The following SMOC2 variants were observed in gnomAD, a reference collection of about 807,000 sequenced individuals.
SMOC2 encodes SPARC-related modular calcium-binding protein 2.
Under a neutral mutation model 61.4 loss-of-function variants are expected in SMOC2, and 39 were observed. That is an observed-to-expected ratio of 0.64 (90% CI 0.49 to 0.83). The LOEUF (loss-of-function observed/expected upper bound fraction) is 0.83. Ranked by LOEUF, SMOC2 falls within the 40% of genes least tolerant of loss-of-function variation. The pLI is 0.00. For missense variants in SMOC2, 556 were observed against 592.9 expected (o/e 0.94, Z 0.65); for synonymous variants, 247 against 239.9 (o/e 1.03, Z -0.27).
chr6:168,527,107 G>T (rs1783474068), intron 3 of SMOC2, among the ~76,000 whole-genome samples: 2 of 152,234 alleles, frequency 1.3e-5, no homozygotes, highest in Non-Finnish European at 2.9e-5. Context: ...GGGTGATGAT[G>T]TGAGTTCTGT....
At chr6:168,574,356 G>A (rs1051141633) in intron 7 of SMOC2, among the ~76,000 whole-genome samples, 4 of 152,220 alleles carry the variant, frequency 2.6e-5, no homozygotes, top group African/African-American at 7.2e-5. Flanking sequence ...GCAGCAGGCC[G>A]GGAGGAAGCC....
intron 1 of SMOC2, among the ~76,000 whole-genome samples, chr6:168,480,717 T>A (rs766251827): frequency 6.6e-5 from 10 of 151,846 alleles, no homozygotes; most frequent in Non-Finnish European, 1.5e-5. Flanking sequence ...TGAAGAAACA[T>A]GAATATAAAG....
chr6:168,664,776 A>G (rs373426429), intron 12 of SMOC2: 8 of 471,062 alleles, frequency 1.7e-5, no homozygotes, highest in African/African-American at 1.6e-4. Flanking sequence ...GCCACAACCC[A>G]TCGCAAGTCA....
intron 9 of SMOC2, among the ~76,000 whole-genome samples, chr6:168,624,539 T>C (rs12207751): frequency 8.7e-5 from 13 of 150,286 alleles, no homozygotes; most frequent in Non-Finnish European, 1.5e-4. Flanking sequence ...GATTCACACA[T>C]AGACACATGC....
chr6:168,664,675 T>G (rs1787614500), intron 12 of SMOC2: 1 of 469,686 alleles, frequency 2.1e-6, no homozygotes, highest in Non-Finnish European at 4.4e-6. Flanking sequence ...TTTCGGCTCC[T>G]GCTGTGTGTT....
intron 1 of SMOC2, among the ~76,000 whole-genome samples, chr6:168,497,158 C>T (rs560634117): frequency 5.7e-4 from 87 of 152,350 alleles, no homozygotes; most frequent in Middle Eastern, 3.4e-3. Context: ...CTGGTTGGAA[C>T]GGAGGGCAGG....
At chr6:168,631,681 C>T (rs533574049) in intron 9 of SMOC2, among the ~76,000 whole-genome samples, 57 of 146,694 alleles carry the variant, frequency 3.9e-4, no homozygotes, top group African/African-American at 1.4e-3. Context: ...ATTTCCTCCT[C>T]GTCTTGAAGG....
intron 2 of SMOC2, among the ~76,000 whole-genome samples, chr6:168,522,075 A>C (rs75991865): frequency 0.013 from 1,922 of 152,350 alleles, 50 homozygotes; most frequent in African/African-American, 0.043. Context: ...TTAAAGTGTT[A>C]ATATTATAAT....
chr6:168,480,370 A>T (rs977680813), intron 1 of SMOC2, among the ~76,000 whole-genome samples: 1 of 152,114 alleles, frequency 6.6e-6, no homozygotes, highest in African/African-American at 2.4e-5. Flanking sequence ...AGATGTGGAG[A>T]AAGTAAAGAA....
intron 1 of SMOC2, among the ~76,000 whole-genome samples, chr6:168,480,754 A>G (rs1303828530): frequency 6.6e-6 from 1 of 152,166 alleles, no homozygotes; most frequent in African/African-American, 2.4e-5. Context: ...GTACTCTAAG[A>G]AAGTCACACA....
chr6:168,502,235 G>A (rs957277142), intron 1 of SMOC2, among the ~76,000 whole-genome samples: 5 of 152,152 alleles, frequency 3.3e-5, no homozygotes, highest in African/African-American at 7.2e-5. Flanking sequence ...ACACTTTCTC[G>A]TGCACTATCA....
chr6:168,486,264 A>C (rs1037343389), intron 1 of SMOC2, among the ~76,000 whole-genome samples: 1 of 152,136 alleles, frequency 6.6e-6, no homozygotes, highest in African/African-American at 2.4e-5. Flanking sequence ...TGGAAAAGAA[A>C]ATGCTAGATG....
intron 9 of SMOC2, among the ~76,000 whole-genome samples, chr6:168,622,197 A>G (rs913739731): frequency 6.6e-6 from 1 of 151,560 alleles, no homozygotes. Flanking sequence ...CGATCTCCTG[A>G]CCTCCTGATC....
chr6:168,600,432 AAC>A lies in SMOC2; in HGVS notation c.824+1430_824+1431del, dbSNP rs1249414337. On this transcript the variant is annotated intron_variant, in intron 8 of 12. Transcript: ENST00000356284. ...CAAAAAAAAAAAAAACAAAAAAAAA[AAC>A]AAAAAAAAAAACAGTAGTTTCAACT... Among the ~76,000 whole-genome samples, 404 of 50,624 alleles carry A rather than the reference AAC, an allele frequency of 8.0e-3. 62 individuals are homozygous for A. The highest frequency in any genetic ancestry group is 0.023 in the South Asian group (50 of 2,194). 33.2% of individuals were successfully genotyped at this position (50,624 alleles called of 152,430 possible). A position where few individuals can be genotyped will look rare whatever the true frequency, so the allele number is the denominator to read the frequency against.
chr6:168,462,941 T>C (rs1781747204), intron 1 of SMOC2, among the ~76,000 whole-genome samples: 1 of 152,166 alleles, frequency 6.6e-6, no homozygotes, highest in South Asian at 2.1e-4. Flanking sequence ...GTTTCTAAGA[T>C]TCAAATGACC....
intron 1 of SMOC2, among the ~76,000 whole-genome samples, chr6:168,493,454 T>C (rs567222915): frequency 3.9e-5 from 6 of 152,330 alleles, no homozygotes; most frequent in African/African-American, 1.2e-4. Flanking sequence ...TTCTGTAGCT[T>C]TGCATGATGA....
chr6:168,565,681 C>A (rs1413626834), intron 7 of SMOC2, among the ~76,000 whole-genome samples: 1 of 152,136 alleles, frequency 6.6e-6, no homozygotes, highest in Non-Finnish European at 1.5e-5. Context: ...CAAAGCGTAT[C>A]AATAAAAGGC....
chr6:168,529,334 C>T (rs929551935), intron 4 of SMOC2, among the ~76,000 whole-genome samples: 1 of 152,100 alleles, frequency 6.6e-6, no homozygotes, highest in Non-Finnish European at 1.5e-5. Context: ...GGAAGCCAGG[C>T]GTGCGAGATG....
chr6:168,576,060 C>G (rs1289246635), intron 7 of SMOC2, among the ~76,000 whole-genome samples: 1 of 152,096 alleles, frequency 6.6e-6, no homozygotes, highest in Non-Finnish European at 1.5e-5. Context: ...GTTGTCCCCT[C>G]CCTACCCTAG....
Sources: gnomAD v4.1 joint callset for allele counts (sites outside exome capture counted in the v4.1 genomes callset) on GRCh38, gnomAD v4.1.1 for gene constraint, MANE v1.5 for transcripts, NCBI Gene and HGNC (gene_info 2026-07-23, HGNC 2026-07-21) for gene names.